GRIA2: variants seen among roughly 807,000 people sequenced by gnomAD.
GRIA2 encodes glutamate receptor 2.
A neutral mutation model predicts 97.3 loss-of-function variants in GRIA2; 14 were observed. That is an observed-to-expected ratio of 0.14 (90% CI 0.10 to 0.23). GRIA2 has a LOEUF of 0.23. Among genes scored for constraint, GRIA2 ranks in the 10% least tolerant of loss-of-function variants. The probability of loss-of-function intolerance (pLI) is 1.00; values close to 1 mark genes in which losing one functional copy is unlikely to be tolerated. For synonymous variants in GRIA2, 412 were observed against 387.8 expected (o/e 1.06, Z -0.73); for missense variants, 558 against 1,069.8 (o/e 0.52, Z 6.67).
intron 4 of GRIA2, among the ~76,000 whole-genome samples, chr4:157,313,377 C>A (rs1312999997): frequency 6.6e-6 from 1 of 151,950 alleles, no homozygotes; most frequent in East Asian, 1.9e-4. Flanking sequence ...CTATAAAAAA[C>A]ATTGATTTGT....
At chr4:157,315,686 G>A (rs371256830) in intron 4 of GRIA2, among the ~76,000 whole-genome samples, 5 of 152,146 alleles carry the variant, frequency 3.3e-5, no homozygotes, top group South Asian at 4.2e-4. Context: ...GGGATTACAG[G>A]CACACACCAC....
chr4:157,293,558 G>A (rs1042030620), intron 2 of GRIA2, among the ~76,000 whole-genome samples: 1 of 152,118 alleles, frequency 6.6e-6, no homozygotes, highest in Non-Finnish European at 1.5e-5. Flanking sequence ...GTTAACAAGG[G>A]TTGCTTCTGG....
intron 2 of GRIA2, among the ~76,000 whole-genome samples, chr4:157,268,746 G>A (rs1731881091): frequency 6.6e-6 from 1 of 151,566 alleles, no homozygotes; most frequent in African/African-American, 2.4e-5. Flanking sequence ...TTCCATCTGA[G>A]TAAATTATTC....
At position 157,333,931 on chromosome 4, in the gene GRIA2, A is replaced by G. The variant is rs185273119; in HGVS notation, c.1156-79A>G. The G allele has an allele frequency of 3.9e-4, 282 of 731,870 alleles. 1 individual carries two copies. In the African/African-American group the frequency reaches 4.4e-3, roughly 11 times the overall value. 45.3% of individuals were successfully genotyped at this position (731,870 alleles called of 1,614,324 possible). On this transcript the variant is annotated intron_variant, in intron 8 of 15. Transcript: ENST00000264426. ...TGTGGTTCTAATTTCAGATTCAGAC[A>G]TGGCTTTGAAAATAATTAAATGCTT...
intron 2 of GRIA2, among the ~76,000 whole-genome samples, chr4:157,234,081 G>C (rs774089603): frequency 6.6e-6 from 1 of 152,036 alleles, no homozygotes; most frequent in Non-Finnish European, 1.5e-5. Context: ...CTATGACTTT[G>C]TATTAATCAG....
At chr4:157,293,052 T>A (rs564762479) in intron 2 of GRIA2, among the ~76,000 whole-genome samples, 1 of 152,220 alleles carries the variant, frequency 6.6e-6, no homozygotes, top group African/African-American at 2.4e-5. Context: ...ACTGAAACAA[T>A]GAAAAATATC....
chr4:157,359,076 T>C (rs1036882577), intron 12 of GRIA2, among the ~76,000 whole-genome samples: 2 of 152,196 alleles, frequency 1.3e-5, no homozygotes, highest in Non-Finnish European at 2.9e-5. Flanking sequence ...TCAAATGCTT[T>C]GACTTTCCAA....
intron 5 of GRIA2, among the ~76,000 whole-genome samples, chr4:157,319,203 G>C (rs1296875288): frequency 6.6e-6 from 1 of 152,142 alleles, no homozygotes; most frequent in Admixed American, 6.6e-5. Flanking sequence ...TTATGTGCAG[G>C]AAACAGCCTG....
At position 157,358,941 on chromosome 4, in the gene GRIA2, T is replaced by A. The variant is rs150384472; in HGVS notation, c.2044-955T>A. ...AAACCTCTTAAGTTTTAAAAGTAAG[T>A]CTTCGATTTCAATTTTTCATTTCAA... On this transcript the variant is annotated intron_variant, in intron 12 of 15. Coordinates refer to ENST00000264426, the MANE Select transcript of GRIA2 (RefSeq NM_001083619.3). 7.2e-3 allele frequency among the ~76,000 whole-genome samples: 1,096 copies of A among 152,198 alleles called. 15 individuals are homozygous for A. The highest frequency in any genetic ancestry group is 0.037 in the South Asian group (180 of 4,804).
intron 6 of GRIA2, among the ~76,000 whole-genome samples, chr4:157,326,685 G>C (rs1332951957): frequency 6.6e-6 from 1 of 152,180 alleles, no homozygotes; most frequent in Admixed American, 6.5e-5. Flanking sequence ...AATGTCTCCA[G>C]TGCAAGGAAA....
intron 2 of GRIA2, among the ~76,000 whole-genome samples, chr4:157,223,838 C>T (rs765918699): frequency 2.0e-5 from 3 of 152,130 alleles, no homozygotes; most frequent in Non-Finnish European, 4.4e-5. Flanking sequence ...TGTCCATTGA[C>T]AAAATGAATA....
At chr4:157,331,993 A>G (rs534055797) in intron 6 of GRIA2, among the ~76,000 whole-genome samples, 3 of 152,168 alleles carry the variant, frequency 2.0e-5, no homozygotes, top group East Asian at 3.9e-4. Flanking sequence ...TTGAAAAACA[A>G]TGACAGAAAT....
At chr4:157,336,785 GTC>G in intron 11 of GRIA2, 38 bp downstream of exon 11, 12 of 1,575,262 alleles carry the variant, frequency 7.6e-6, no homozygotes, top group Non-Finnish European at 9.5e-6. Context: ...TGCATTTCAG[GTC>G]TCAAGTGGAC....
chr4:157,271,305 G>A (rs929820115), intron 2 of GRIA2, among the ~76,000 whole-genome samples: 2 of 151,900 alleles, frequency 1.3e-5, no homozygotes, highest in African/African-American at 4.8e-5. Flanking sequence ...GTGGTTGAAG[G>A]CTCAGTCCCC....
At chr4:157,350,686 T>A (rs2126970860) in intron 12 of GRIA2, among the ~76,000 whole-genome samples, 1 of 152,234 alleles carries the variant, frequency 6.6e-6, no homozygotes, top group African/African-American at 2.4e-5. Flanking sequence ...CCCTGGCCTT[T>A]AAAGTATTTG....
In GRIA2 at chr4:157,224,890, G is replaced by T. The variant is rs1159893293; in HGVS notation, c.229+3083G>T. Among the ~76,000 whole-genome samples, 6 of 151,986 alleles carry T rather than the reference G, an allele frequency of 3.9e-5. No individual in the cohort carries two copies. In the East Asian group the frequency reaches 9.6e-4, roughly 24 times the overall value. On this transcript the variant is annotated intron_variant, in intron 2 of 15. Coordinates refer to ENST00000264426, the MANE Select transcript of GRIA2 (RefSeq NM_001083619.3). ...AATCTCAGGAATTTTGCTATCTAAT[G>T]ACATTATTAGATGATAGGTATCATC...
intron 12 of GRIA2, among the ~76,000 whole-genome samples, chr4:157,347,737 G>A (rs775172586): frequency 5.9e-5 from 9 of 152,120 alleles, no homozygotes; most frequent in Non-Finnish European, 8.8e-5. Flanking sequence ...ATAGAGAAGA[G>A]AATAGAATTG....
rs1243311968 is a variant in GRIA2 at position 157,256,226 on chromosome 4, AATATATAAT to A, written c.229+34427_229+34435del. Among the ~76,000 whole-genome samples, 33 of 119,848 alleles carry A rather than the reference AATATATAAT, an allele frequency of 2.8e-4. 2 individuals are homozygous for A. The highest frequency in any genetic ancestry group is 8.2e-4 in the African/African-American group (24 of 29,128). The allele number at this position is 119,848 out of a possible 152,430, so 78.6% of individuals were successfully genotyped here. A position where few individuals can be genotyped will look rare whatever the true frequency, so the allele number is the denominator to read the frequency against. On this transcript the variant is annotated intron_variant, in intron 2 of 15. Coordinates refer to ENST00000264426, the MANE Select transcript of GRIA2 (RefSeq NM_001083619.3). ...CATATATATGTTATATATAATATAT[AATATATAAT>A]ATATATATATAATATATAAATTATA...
rs564636412 is a variant in GRIA2, at chr4:157,282,819, G to A, written c.230-20733G>A. On this transcript the variant is annotated intron_variant, in intron 2 of 15. Coordinates refer to ENST00000264426, the MANE Select transcript of GRIA2 (RefSeq NM_001083619.3). ...CTGGCAATGTTTACCAATCACTATC[G>A]TTGGCCTGAGCCCAGAAAATATGTA... Among the ~76,000 whole-genome samples the A allele has an allele frequency of 2.1e-4, 32 of 152,060 alleles. 2 individuals are homozygous for A. The highest frequency in any genetic ancestry group is 7.5e-4 in the African/African-American group (31 of 41,478).
Sources: allele counts gnomAD v4.1 joint callset (sites outside exome capture counted in the v4.1 genomes callset), GRCh38; gene constraint gnomAD v4.1.1; transcripts MANE v1.5; gene names NCBI Gene and HGNC (gene_info 2026-07-23, HGNC 2026-07-21).